CTNNA2: variants seen among roughly 807,000 people sequenced by gnomAD.
CTNNA2 encodes catenin alpha-2.
A neutral mutation model predicts 101.0 loss-of-function variants in CTNNA2; 42 were observed. The ratio of observed to expected loss-of-function variants is 0.42; its 90% CI spans 0.32 to 0.54. The LOEUF (loss-of-function observed/expected upper bound fraction) is 0.54, where lower values mean the gene tolerates loss of function less well. Ranked by LOEUF, CTNNA2 falls within the 20% of genes least tolerant of loss-of-function variation. The pLI is 0.14. For missense variants in CTNNA2, 871 were observed against 1,223.1 expected (o/e 0.71, Z 4.29); for synonymous variants, 450 against 456.4 (o/e 0.99, Z 0.18).
At chr2:79,280,623 C>CTGTGTGCG (rs1675339614) in intron 2 of CTNNA2, among the ~76,000 whole-genome samples, 1 of 129,094 alleles carries the variant, frequency 7.7e-6, no homozygotes, top group Admixed American at 8.2e-5. Context: ...ATCCTGTATG[C>CTGTGTGCG]TGTGTGTGTG....
At chr2:79,320,802 A>G (rs1676603314) in intron 3 of CTNNA2, among the ~76,000 whole-genome samples, 1 of 152,194 alleles carries the variant, frequency 6.6e-6, no homozygotes, top group South Asian at 2.1e-4. Context: ...CCATAAGAAC[A>G]GGAACAACAT....
At chr2:80,009,499 T>G (rs1574529481) in intron 7 of CTNNA2, among the ~76,000 whole-genome samples, 2 of 152,158 alleles carry the variant, frequency 1.3e-5, no homozygotes, top group African/African-American at 2.4e-5. Context: ...GTCTAGTGTG[T>G]TTGTACTTCG....
intron 7 of CTNNA2, among the ~76,000 whole-genome samples, chr2:80,133,958 A>G (rs1702553607): frequency 6.6e-6 from 1 of 152,196 alleles, no homozygotes; most frequent in South Asian, 2.1e-4. Context: ...GAATAATACT[A>G]TTAGTGCCTG....
intron 1 of CTNNA2, among the ~76,000 whole-genome samples, chr2:79,646,987 GTC>G (rs1397753740): frequency 6.6e-6 from 1 of 152,108 alleles, no homozygotes; most frequent in Non-Finnish European, 1.5e-5. Flanking sequence ...TGTATTCTAA[GTC>G]TCTCTACCAA....
chr2:80,164,112 A>G (rs931533639), intron 7 of CTNNA2, among the ~76,000 whole-genome samples: 2 of 151,772 alleles, frequency 1.3e-5, no homozygotes, highest in Non-Finnish European at 2.9e-5. Flanking sequence ...CTTCTAATAT[A>G]TACGTTTTAA....
chr2:80,447,280 C>T (rs766492199), intron 9 of CTNNA2, among the ~76,000 whole-genome samples: 1 of 152,102 alleles, frequency 6.6e-6, no homozygotes, highest in Non-Finnish European at 1.5e-5. Context: ...TTTACCATTG[C>T]AAATCTTTTG....
chr2:79,305,675 A>C (rs1249744814), intron 2 of CTNNA2, among the ~76,000 whole-genome samples: 1 of 152,172 alleles, frequency 6.6e-6, no homozygotes, highest in Admixed American at 6.5e-5. Flanking sequence ...CCACCTGTCA[A>C]TATAGGTTAA....
intron 9 of CTNNA2, among the ~76,000 whole-genome samples, chr2:80,483,094 T>C (rs1353025060): frequency 6.6e-6 from 1 of 152,184 alleles, no homozygotes; most frequent in Non-Finnish European, 1.5e-5. Context: ...TGCAAACTGA[T>C]ATATGGCTGT....
chr2:79,724,721 A>G (rs1418648283), intron 2 of CTNNA2, among the ~76,000 whole-genome samples: 1 of 148,030 alleles, frequency 6.8e-6, no homozygotes, highest in African/African-American at 2.5e-5. Context: ...AGGCTGAGGC[A>G]GGAGAATGGC....
Position 80,545,899 on chromosome 2 carries a change from A to G in CTNNA2, c.1384-8A>G. ...TCATCATGTCCCTGGATTGTTTCCA[A>G]CAAATAGGTCATCAATGCCGCTCTG... On this transcript the variant is annotated splice_polypyrimidine_tract_variant and splice_region_variant and intron_variant, in intron 10 of 18. Coordinates refer to ENST00000402739, the MANE Select transcript of CTNNA2 (RefSeq NM_001282597.3). The G allele has an allele frequency of 6.2e-7, 1 of 1,613,270 alleles. No individual in the cohort carries two copies. Among genetic ancestry groups the G allele is most frequent in the Non-Finnish European group, 8.5e-7 (1 of 1,179,554 alleles).
chr2:80,071,843 C>T (rs182779296), intron 7 of CTNNA2, among the ~76,000 whole-genome samples: 115 of 152,262 alleles, frequency 7.6e-4, no homozygotes, highest in African/African-American at 2.6e-3. Context: ...CATGTAATGT[C>T]TGCTGCAGAC....
chr2:80,335,842 A>G (rs4432477), intron 7 of CTNNA2, among the ~76,000 whole-genome samples: 11,475 of 152,200 alleles, frequency 0.075, 437 homozygotes, highest in Non-Finnish European at 0.089. Context: ...ATTAGACACA[A>G]AAATGCATTT....
At chr2:79,731,815 A>G (rs1687213468) in intron 2 of CTNNA2, among the ~76,000 whole-genome samples, 1 of 131,564 alleles carries the variant, frequency 7.6e-6, no homozygotes, top group Admixed American at 8.5e-5. Flanking sequence ...GCAGGAAAAT[A>G]TTTATTCTAC....
intron 2 of CTNNA2, among the ~76,000 whole-genome samples, chr2:79,718,731 GTA>G (rs1312325839): frequency 6.6e-6 from 1 of 151,890 alleles, no homozygotes; most frequent in African/African-American, 2.4e-5. Flanking sequence ...ATATGCTGAT[GTA>G]TAGCAAAGAT....
chr2:79,551,801 G>A (rs1246320771), intron 1 of CTNNA2, among the ~76,000 whole-genome samples: 1 of 152,098 alleles, frequency 6.6e-6, no homozygotes, highest in Non-Finnish European at 1.5e-5. Context: ...GGGAGTGGGA[G>A]GTGCTGCACA....
At chr2:80,497,243 A>G (rs1202699716) in intron 9 of CTNNA2, among the ~76,000 whole-genome samples, 1 of 152,208 alleles carries the variant, frequency 6.6e-6, no homozygotes, top group Non-Finnish European at 1.5e-5. Flanking sequence ...TGTGAGGCAC[A>G]AGGGTGTTGA....
chr2:79,428,878 G>A (rs558069177), intron 4 of CTNNA2, among the ~76,000 whole-genome samples: 1 of 152,150 alleles, frequency 6.6e-6, no homozygotes, highest in Admixed American at 6.6e-5. Flanking sequence ...AGTTATTTGA[G>A]TGTGAGCGAA....
Position 80,648,478 on chromosome 2 carries a change from C to T in CTNNA2, c.*606C>T, listed in dbSNP as rs1486167274. On this transcript the variant is annotated 3_prime_UTR_variant, in exon 19 of 19. Coordinates refer to ENST00000402739, the MANE Select transcript of CTNNA2 (RefSeq NM_001282597.3). ...GTTTCCTCTTCTAGTTGTGCCATTA[C>T]TAGTGATCATGTTTTTTTCCCCCCT... is the stretch of plus-strand genomic sequence containing the variant. 6.6e-6 allele frequency: 1 copy of T among 152,448 alleles called. No homozygotes were observed. The highest frequency in any genetic ancestry group is 1.5e-5 in the Non-Finnish European group (1 of 68,002). The allele number at this position is 152,448 out of a possible 1,614,324, so 9.4% of individuals were successfully genotyped here. A position where few individuals can be genotyped will look rare whatever the true frequency, so the allele number is the denominator to read the frequency against.
intron 2 of CTNNA2, among the ~76,000 whole-genome samples, chr2:79,277,732 T>C (rs1036982301): frequency 1.6e-4 from 24 of 152,076 alleles, no homozygotes; most frequent in African/African-American, 5.8e-4. Context: ...CTTACACTCT[T>C]CTGTAATGAT....
Sources: allele counts gnomAD v4.1 joint callset (sites outside exome capture counted in the v4.1 genomes callset), GRCh38; gene constraint gnomAD v4.1.1; transcripts MANE v1.5; gene names NCBI Gene and HGNC (gene_info 2026-07-23, HGNC 2026-07-21).